USP42: variants seen among roughly 807,000 people sequenced by gnomAD.
USP42 encodes the protein ubiquitin carboxyl-terminal hydrolase 42.
Under a neutral mutation model 113.0 loss-of-function variants are expected in USP42, and 23 were observed. That is an observed-to-expected ratio of 0.20 (90% CI 0.15 to 0.29). USP42 has a LOEUF of 0.29. USP42 is among the 10% of genes least tolerant of loss of function. The pLI is 1.00. For synonymous variants in USP42, 933 were observed against 699.0 expected (o/e 1.33, Z -5.28); for missense variants, 2,174 against 1,779.8 (o/e 1.22, Z -3.99).
At chr7:6,086,705 C>CTTTCCT in the USP42 span, among the ~76,000 whole-genome samples, 2 of 144,604 alleles carry the variant, frequency 1.4e-5, no homozygotes, top group African/African-American at 2.6e-5. Flanking sequence ...CTTTCCTTTC[C>CTTTCCT]TTTCCTTTTC....
rs1294136039 is a variant in USP42, at chr7:6,161,405, C to CAGTT, written c.*888_*891dup. 6.6e-6 allele frequency: 1 copy of CAGTT among 152,532 alleles called. No homozygotes were observed. The highest frequency in any genetic ancestry group is 2.4e-5 in the African/African-American group (1 of 41,420). The allele number at this position is 152,532 out of a possible 1,614,324, so 9.4% of individuals were successfully genotyped here. On this transcript the variant is annotated 3_prime_UTR_variant, in exon 18 of 18. Transcript: ENST00000306177. ...GGAGTGGGGAAAACTGTATTTAATA[C>CAGTT]AGTTTGTATCTGAATAATCTGTATG... is the stretch of plus-strand genomic sequence containing the variant.
At chr7:6,100,269 G>A (rs994891182), upstream of USP42, among the ~76,000 whole-genome samples, 1 of 150,744 alleles carries the variant, frequency 6.6e-6, no homozygotes, top group Non-Finnish European at 1.5e-5. Context: ...CTAGATGGGC[G>A]CCTGATACTG....
chr7:6,152,389 G>A (rs149839380), intron 14 of USP42, among the ~76,000 whole-genome samples: 4 of 152,346 alleles, frequency 2.6e-5, no homozygotes, highest in East Asian at 3.9e-4. Context: ...AGTGAAAACC[G>A]TGCCAGTGAC....
At chr7:6,118,034 G>A (rs1780009990) in intron 3 of USP42, among the ~76,000 whole-genome samples, 1 of 152,018 alleles carries the variant, frequency 6.6e-6, no homozygotes, top group Non-Finnish European at 1.5e-5. Flanking sequence ...CTTTTAAAGA[G>A]TGCATTTTTT....
chr7:6,091,978 T>TTTC, the USP42 span, among the ~76,000 whole-genome samples: 1,208 of 67,886 alleles, frequency 0.018, 111 homozygotes, highest in East Asian at 0.042. Context: ...GGACGTATTT[T>TTTC]TTCTTCTTCT....
intron 1 of USP42, among the ~76,000 whole-genome samples, chr7:6,107,680 A>G (rs1779368084): frequency 6.6e-6 from 1 of 152,062 alleles, no homozygotes; most frequent in African/African-American, 2.4e-5. Flanking sequence ...AAGTGCTGGG[A>G]TTACAGGTGT....
chr7:6,098,273 A>C, the USP42 span, among the ~76,000 whole-genome samples: 1 of 150,274 alleles, frequency 6.7e-6, no homozygotes, highest in Admixed American at 6.6e-5. Flanking sequence ...AGCATCCTTG[A>C]CAAAGTGTGA....
the USP42 span, among the ~76,000 whole-genome samples, chr7:6,094,602 C>T: frequency 5.3e-5 from 8 of 151,148 alleles, no homozygotes; most frequent in Admixed American, 1.3e-4. Context: ...TTCATTGTCA[C>T]CTATGATGGT....
At chr7:6,097,907 CT>C in the USP42 span, among the ~76,000 whole-genome samples, 489 of 103,600 alleles carry the variant, frequency 4.7e-3, 8 homozygotes, top group African/African-American at 0.016. Flanking sequence ...TCTTTCTTTT[CT>C]TTTTTTTTTT....
At position 6,153,931 on chromosome 7, in the gene USP42, G is replaced by A. The variant is rs779819185; in HGVS notation, c.2377G>A (p.Ala793Thr). 1 of 1,600,094 alleles carries A rather than the reference G, an allele frequency of 6.2e-7. No individual in the cohort carries two copies. The highest frequency in any genetic ancestry group is 8.5e-7 in the Non-Finnish European group (1 of 1,175,634). Residue 793 changes from alanine to threonine, a missense_variant, in exon 15 of 18, where the codon GCC becomes ACC. Coordinates refer to ENST00000306177, the MANE Select transcript of USP42 (RefSeq NM_032172.3). ...TPATKEGAWE[A>T]MAVAPEEPPP... ...CGCTACCAAAGAAGGCGCCTGGGAG[G>A]CCATGGCCGTCGCCCCCGAGGAGCC... is the stretch of plus-strand genomic sequence containing the variant.
At position 6,156,839 on chromosome 7, in the gene USP42, C is replaced by T. The variant is rs758122731; in HGVS notation, c.3727C>T (p.His1243Tyr). ...HKKKKKKKKR[H>Y]SRKSEDFVKD... ...AAAAAAGAAGAAGAAAAAGAAGAGACATTCAAGAAAATCAGAGGACTTTGT... is the reference window on the plus strand; with the variant it reads ...AAAAAAGAAGAAGAAAAAGAAGAGATATTCAAGAAAATCAGAGGACTTTGT... The change falls in exon 16 of 18, where the codon CAT becomes TAT. Residue 1243 changes from histidine (H) to tyrosine (Y), a missense_variant. Physicochemically the swap from His to Tyr is moderately conservative, Grantham distance 83 (BLOSUM62 2). Coordinates refer to ENST00000306177, the MANE Select transcript of USP42 (RefSeq NM_032172.3). The T allele has an allele frequency of 2.5e-6, 4 of 1,609,790 alleles. No individual in the cohort carries two copies. Among genetic ancestry groups the T allele is most frequent in the Non-Finnish European group, 3.4e-6 (4 of 1,178,896 alleles).
At chr7:6,085,414 C>T in the USP42 span, among the ~76,000 whole-genome samples, 3 of 150,672 alleles carry the variant, frequency 2.0e-5, 1 homozygote, top group Admixed American at 6.6e-5. Flanking sequence ...CGTGGGCCAC[C>T]GTGCCCGGCC....
intron 3 of USP42, chr7:6,128,055 T>C (rs1450120986): frequency 6.6e-6 from 1 of 152,162 alleles, no homozygotes; most frequent in East Asian, 1.9e-4. Context: ...CAAGCTATCC[T>C]CCTGCCTCAG....
intron 3 of USP42, among the ~76,000 whole-genome samples, chr7:6,130,311 G>A (rs190432988): frequency 6.6e-6 from 1 of 152,354 alleles, no homozygotes. Context: ...GGGAATTGGG[G>A]ATCGTTGTCC....
chr7:6,136,111 T>G (rs1035691355), intron 4 of USP42, among the ~76,000 whole-genome samples, 160 bp downstream of exon 4: 1 of 151,822 alleles, frequency 6.6e-6, no homozygotes, highest in Non-Finnish European at 1.5e-5. Flanking sequence ...TTCAAACGAT[T>G]GTCCTGTCTC....
intron 3 of USP42, among the ~76,000 whole-genome samples, chr7:6,122,900 C>G (rs946391632): frequency 6.6e-6 from 1 of 151,022 alleles, no homozygotes; most frequent in South Asian, 2.1e-4. Flanking sequence ...CTTGGTTCGC[C>G]GCAGCCTCCA....
At chr7:6,141,962 C>T (rs1234491019) in intron 7 of USP42, among the ~76,000 whole-genome samples, 1 of 152,118 alleles carries the variant, frequency 6.6e-6, no homozygotes, top group Non-Finnish European at 1.5e-5. Context: ...CCGTGTAATT[C>T]TGTTGAGACC....
At chr7:6,116,889 C>A in intron 3 of USP42, 1 of 525,018 alleles carries the variant, frequency 1.9e-6, no homozygotes, top group Non-Finnish European at 3.9e-6. Context: ...ACCTGGACAG[C>A]AAGAGAGAGG....
rs976793532 is a variant in USP42, at chr7:6,161,515, A to C, written c.*997A>C. Reference sequence around the variant, plus strand: ...TTAAAAAAGCACTTGCCCCACTGTAAATATACAGCATGTAAAATTTCTATA... The same window carrying C: ...TTAAAAAAGCACTTGCCCCACTGTACATATACAGCATGTAAAATTTCTATA... On this transcript the variant is annotated 3_prime_UTR_variant, in exon 18 of 18. Transcript: ENST00000306177. The C allele has an allele frequency of 2.6e-5, 4 of 152,608 alleles. No individual in the cohort carries two copies. The highest frequency in any genetic ancestry group is 9.7e-5 in the African/African-American group (4 of 41,436). 9.5% of individuals were successfully genotyped at this position (152,608 alleles called of 1,614,324 possible). A position where few individuals can be genotyped will look rare whatever the true frequency, so the allele number is the denominator to read the frequency against.
Sources: allele counts gnomAD v4.1 joint callset (sites outside exome capture counted in the v4.1 genomes callset), GRCh38; gene constraint gnomAD v4.1.1; transcripts MANE v1.5; gene names NCBI Gene and HGNC (gene_info 2026-07-23, HGNC 2026-07-21).